CPEB1: variants seen among roughly 807,000 people sequenced by gnomAD.
CPEB1 encodes the protein cytoplasmic polyadenylation element binding protein 1.
A neutral mutation model predicts 65.8 loss-of-function variants in CPEB1; 7 were observed. That is an observed-to-expected ratio of 0.11 (90% CI 0.06 to 0.20). CPEB1 has a LOEUF of 0.20. Among genes scored for constraint, CPEB1 ranks in the 10% least tolerant of loss-of-function variants. The pLI is 1.00. For missense variants in CPEB1, 551 were observed against 712.2 expected (o/e 0.77, Z 2.58); for synonymous variants, 262 against 260.0 (o/e 1.01, Z -0.08).
intron 3 of CPEB1, among the ~76,000 whole-genome samples, chr15:82,574,100 G>A (rs935112243): frequency 6.6e-6 from 1 of 152,168 alleles, no homozygotes; most frequent in African/African-American, 2.4e-5. Flanking sequence ...GGAGCTTGGA[G>A]TTCTACACAC....
chr15:82,629,388 A>G (rs1418960174), intron 1 of CPEB1: 1 of 985,236 alleles, frequency 1.0e-6, no homozygotes, highest in Non-Finnish European at 1.2e-6. Flanking sequence ...ATTAGTACAT[A>G]CAACTTTATT....
At chr15:82,604,047 T>C (rs562855804) in intron 3 of CPEB1, among the ~76,000 whole-genome samples, 1 of 152,306 alleles carries the variant, frequency 6.6e-6, no homozygotes, top group South Asian at 2.1e-4. Flanking sequence ...TCAATATGTA[T>C]GAAGAGCTAA....
intron 1 of CPEB1, among the ~76,000 whole-genome samples, chr15:82,638,318 A>G (rs1434477192): frequency 1.3e-5 from 2 of 152,122 alleles, no homozygotes; most frequent in Non-Finnish European, 2.9e-5. Flanking sequence ...TGGATCTTTT[A>G]CTCCTATCTG....
At chr15:82,588,654 G>C (rs1400587646) in intron 3 of CPEB1, among the ~76,000 whole-genome samples, 1 of 152,064 alleles carries the variant, frequency 6.6e-6, no homozygotes, top group Admixed American at 6.6e-5. Flanking sequence ...CATTGATCTT[G>C]ACTTACTTGG....
At chr15:82,639,172 G>A (rs528667164) in intron 1 of CPEB1, among the ~76,000 whole-genome samples, 38 of 152,250 alleles carry the variant, frequency 2.5e-4, no homozygotes, top group Middle Eastern at 6.8e-3. Context: ...TTCATGGTCC[G>A]CCTTCAGCTT....
intron 3 of CPEB1, among the ~76,000 whole-genome samples, chr15:82,590,209 CAAAAAAAAAA>C (rs5814120): frequency 0.36 from 38,911 of 106,628 alleles, 5,897 homozygotes; most frequent in South Asian, 0.57. Context: ...ATCCCTTTGA[CAAAAAAAAAA>C]AAAAAAAAAA....
At chr15:82,599,904 A>C (rs1045136578) in intron 3 of CPEB1, among the ~76,000 whole-genome samples, 5 of 152,238 alleles carry the variant, frequency 3.3e-5, no homozygotes, top group African/African-American at 1.2e-4. Context: ...TATACAATAC[A>C]TAAGGGAGAC....
chr15:82,636,575 A>G (rs1205036126), intron 1 of CPEB1, among the ~76,000 whole-genome samples: 1 of 152,212 alleles, frequency 6.6e-6, no homozygotes, highest in African/African-American at 2.4e-5. Context: ...ATTTCATACC[A>G]AAACACCTCA....
chr15:82,631,823 T>C (rs548815585), intron 1 of CPEB1, among the ~76,000 whole-genome samples: 20 of 152,100 alleles, frequency 1.3e-4, no homozygotes, highest in African/African-American at 4.8e-4. Context: ...CTGAATCCAC[T>C]ACAGGTTCAG....
rs1301504898 is a variant in CPEB1 at position 82,556,077 on chromosome 15, C to G, written c.733G>C (p.Gly245Arg). The change falls in exon 6 of 13, where the codon GGG (glycine) becomes CGG (arginine). Residue 245 changes from glycine (G) to arginine (R), a missense_variant. This residue lies in a region of CPEB1 where 128 missense variants were observed against 129.1 expected (regional missense o/e 0.99). Transcript: ENST00000684509. ...SPPLPFLSLS[G>R]GGPRDPLKMG... ...TTTAAAGGGTCTCTGGGACCACCCC[C>G]TGACAGAGACAGGAAGGGCAGAGGT... 1 of 1,610,476 alleles carries G rather than the reference C, an allele frequency of 6.2e-7. No individual in the cohort carries two copies. The highest frequency in any genetic ancestry group is 1.1e-5 in the South Asian group (1 of 90,066).
intron 3 of CPEB1, among the ~76,000 whole-genome samples, chr15:82,577,051 C>T (rs1418884823): frequency 2.6e-5 from 4 of 152,084 alleles, no homozygotes; most frequent in African/African-American, 9.7e-5. Context: ...TTAAATGAGG[C>T]ATTATAGTAG....
Position 82,544,393 on chromosome 15 carries a change from T to C in CPEB1, c.*199A>G. On this transcript the variant is annotated 3_prime_UTR_variant, in exon 13 of 13. Coordinates refer to ENST00000684509, the MANE Select transcript of CPEB1 (RefSeq NM_001365242.1). ...GGGTCCTTGCCCTTGGTACACCCCC[T>C]GAAAACAAAACCTGACAAAACTCAA... 1.1e-5 allele frequency: 4 copies of C among 370,208 alleles called. No homozygotes were observed. The highest frequency in any genetic ancestry group is 2.0e-5 in the Non-Finnish European group (4 of 197,206). The allele number at this position is 370,208 out of a possible 1,614,324, so 22.9% of individuals were successfully genotyped here.
chr15:82,630,661 C>T (rs1319616258), intron 1 of CPEB1, among the ~76,000 whole-genome samples: 1 of 151,792 alleles, frequency 6.6e-6, no homozygotes, highest in African/African-American at 2.4e-5. Context: ...ATCCACAACA[C>T]AGACTACAAC....
chr15:82,581,833 C>A (rs186549307), intron 3 of CPEB1, among the ~76,000 whole-genome samples: 2 of 152,274 alleles, frequency 1.3e-5, no homozygotes, highest in Admixed American at 1.3e-4. Flanking sequence ...CTTCTTGCAG[C>A]ATTCTACCTC....
intron 3 of CPEB1, among the ~76,000 whole-genome samples, chr15:82,607,706 G>A (rs1223753531): frequency 6.6e-6 from 1 of 152,082 alleles, no homozygotes; most frequent in Non-Finnish European, 1.5e-5. Flanking sequence ...AGACAAAACA[G>A]ACATTAAGAC....
At chr15:82,567,113 G>C (rs2039259416) in intron 4 of CPEB1, among the ~76,000 whole-genome samples, 1 of 152,182 alleles carries the variant, frequency 6.6e-6, no homozygotes, top group Non-Finnish European at 1.5e-5. Context: ...TGGGAGTTGA[G>C]GAAGATTTAC....
Position 82,547,204 on chromosome 15 carries a change from C to T in CPEB1, c.1514G>A (p.Ser505Asn). 1.2e-6 allele frequency: 2 copies of T among 1,613,180 alleles called. No homozygotes were observed. Among genetic ancestry groups the T allele is most frequent in the Non-Finnish European group, 1.7e-6 (2 of 1,179,512 alleles). ...SGRVTFNNQR[S>N]YLKAVSAAFV... The stretch of plus-strand genomic sequence containing the variant: ...AGCAGCGCTGACTGCTTTCAGGTAA[C>T]TCCGTTGGTTATTGAAAGTCACACG... The change falls in exon 11 of 13, where the codon AGT becomes AAT. Residue 505 changes from serine (S) to asparagine (N), a missense_variant. This residue lies in a region of CPEB1 where 98 missense variants were observed against 157.6 expected (regional missense o/e 0.62). Coordinates refer to ENST00000684509, the MANE Select transcript of CPEB1 (RefSeq NM_001365242.1).
intron 3 of CPEB1, among the ~76,000 whole-genome samples, chr15:82,601,561 T>G (rs368177369): frequency 2.6e-5 from 4 of 152,046 alleles, no homozygotes; most frequent in East Asian, 1.9e-4. Context: ...CAAAAAAATT[T>G]TTTTTCTATT....
At chr15:82,581,117 C>T (rs144105488) in intron 3 of CPEB1, among the ~76,000 whole-genome samples, 1 of 152,296 alleles carries the variant, frequency 6.6e-6, no homozygotes, top group African/African-American at 2.4e-5. Flanking sequence ...GCTGGAATTA[C>T]AGGCATGAGC....
Sources: gnomAD v4.1 joint callset for allele counts (sites outside exome capture counted in the v4.1 genomes callset) on GRCh38, gnomAD v4.1.1 for gene constraint, gnomAD v4.1.1 regional missense constraint, MANE v1.5 for transcripts, NCBI Gene and HGNC (gene_info 2026-07-23, HGNC 2026-07-21) for gene names.